The following ERBB4 variants were observed in gnomAD, a reference collection of about 807,000 sequenced individuals.
ERBB4 encodes erb-b2 receptor tyrosine kinase 4, also known as receptor tyrosine-protein kinase erbB-4.
A neutral mutation model predicts 158.0 loss-of-function variants in ERBB4; 42 were observed. That is an observed-to-expected ratio of 0.27 (90% confidence interval 0.21 to 0.34). ERBB4 has a LOEUF of 0.34. Ranked by LOEUF, ERBB4 falls within the 10% of genes least tolerant of loss-of-function variation. ERBB4 has a pLI of 1.00. For synonymous variants in ERBB4, 583 were observed against 558.7 expected, an observed-to-expected ratio of 1.04 and a Z score of -0.61; for missense variants, 1,333 against 1,624.1, an observed-to-expected ratio of 0.82 and a Z score of 3.08.
rs1352952451 is a variant in ERBB4, at chr2:211,724,951, A to G, written c.741+125T>C. 3.1e-5 allele frequency: 24 copies of G among 764,432 alleles called. No homozygotes were observed. In the South Asian group the frequency reaches 3.3e-4, roughly 11 times the overall value. The allele number at this position is 764,432 out of a possible 1,614,324, so 47.4% of individuals were successfully genotyped here. A position where few individuals can be genotyped will look rare whatever the true frequency, so the allele number is the denominator to read the frequency against. On this transcript the variant is annotated intron_variant, in intron 6 of 27. Transcript: ENST00000342788. ...GGAATGACTTTGAGGAGGGCAGAGC[A>G]TTTTTCTTAATCCTAAAGTGGCTAA... is the stretch of plus-strand genomic sequence containing the variant.
At chr2:212,436,491 A>G (rs572252300) in intron 1 of ERBB4, among the ~76,000 whole-genome samples, 54 of 152,158 alleles carry the variant, frequency 3.5e-4, no homozygotes, top group African/African-American at 1.3e-3. Context: ...TTTCCTCAAG[A>G]GGAAAAAGAA....
Position 211,788,097 on chromosome 2 carries a change from G to A in ERBB4, c.484C>T (p.His162Tyr), listed in dbSNP as rs780954188. 1 of 1,612,150 alleles carries A rather than the reference G, an allele frequency of 6.2e-7. No homozygotes were observed. The highest frequency in any genetic ancestry group is 8.5e-7 in the Non-Finnish European group (1 of 1,178,244). The part of the protein sequence containing the change: ...NKFLCYADTI[H>Y]WQDIVRNPWP... ...GGGTTCCGAACAATATCTTGCCAAT[G>A]AATGGTGTCTGCATAACAAAGGAAT... The change falls in exon 4 of 28, where the codon CAT (histidine) becomes TAT (tyrosine). Residue 162 changes from histidine (H) to tyrosine (Y), a missense_variant. Around this residue, in one of 5 missense-constraint regions of ERBB4, gnomAD observed 438 missense variants for 586.9 expected, o/e 0.75. Transcript: ENST00000342788.
intron 20 of ERBB4, among the ~76,000 whole-genome samples, chr2:211,502,131 C>A (rs1287095408): frequency 6.6e-6 from 1 of 152,078 alleles, no homozygotes; most frequent in East Asian, 1.9e-4. Flanking sequence ...ACTTTCTGGA[C>A]AGTGTAGTCA....
rs560980150 is a variant in ERBB4, at chr2:211,553,167, C to T, written c.2487+8736G>A. 2.6e-4 allele frequency among the ~76,000 whole-genome samples: 40 copies of T among 152,166 alleles called. No individual in the cohort carries two copies. The South Asian group carries it at 6.7e-3, about 25-fold the overall frequency. On this transcript the variant is annotated intron_variant, in intron 20 of 27. Transcript: ENST00000342788. ...TATTTTTAGTAGAGACGGGGTTTCA[C>T]CGTGTTGGCCAGGCTGGTCTCGAAC...
At chr2:212,425,325 TA>T (rs1397442108) in intron 1 of ERBB4, among the ~76,000 whole-genome samples, 3 of 148,304 alleles carry the variant, frequency 2.0e-5, no homozygotes, top group East Asian at 2.0e-4. Context: ...ATGTGTTGGA[TA>T]AATATATAAG....
intron 20 of ERBB4, among the ~76,000 whole-genome samples, chr2:211,461,404 T>A (rs532674815): frequency 6.6e-6 from 1 of 152,308 alleles, no homozygotes; most frequent in African/African-American, 2.4e-5. Context: ...TTTTTGTTTG[T>A]TCTGTTTCCT....
chr2:212,258,656 G>C (rs1474956197), intron 1 of ERBB4, among the ~76,000 whole-genome samples: 1 of 148,644 alleles, frequency 6.7e-6, no homozygotes, highest in African/African-American at 2.4e-5. Context: ...GTTTTTAATA[G>C]AACATTGAGG....
chr2:212,364,005 G>A (rs2106368150), intron 1 of ERBB4, among the ~76,000 whole-genome samples: 1 of 151,816 alleles, frequency 6.6e-6, no homozygotes, highest in Admixed American at 6.6e-5. Context: ...AGTGTACACT[G>A]TGGAATGACA....
intron 19 of ERBB4, among the ~76,000 whole-genome samples, chr2:211,581,771 G>T (rs2068111725): frequency 6.6e-6 from 1 of 152,100 alleles, no homozygotes; most frequent in Non-Finnish European, 1.5e-5. Context: ...CAGCACTTTG[G>T]GAGGCTGAGG....
intron 2 of ERBB4, among the ~76,000 whole-genome samples, chr2:212,019,757 G>GC (rs2076606606): frequency 1.1e-4 from 2 of 17,642 alleles, no homozygotes; most frequent in Non-Finnish European, 2.5e-4. Flanking sequence ...GCAACATTCT[G>GC]TAAAAAAAAA....
intron 5 of ERBB4, among the ~76,000 whole-genome samples, chr2:211,731,319 G>C (rs1342058188): frequency 6.6e-6 from 1 of 151,706 alleles, no homozygotes; most frequent in Non-Finnish European, 1.5e-5. Flanking sequence ...TTCTATTTTT[G>C]TGTCAAAATT....
chr2:212,252,431 C>T (rs1051111079), intron 1 of ERBB4, among the ~76,000 whole-genome samples: 11 of 151,850 alleles, frequency 7.2e-5, no homozygotes, highest in Admixed American at 2.6e-4. Flanking sequence ...GATAGATCAA[C>T]GAAGACTAAA....
At chr2:211,766,227 T>C (rs1434669056) in intron 4 of ERBB4, among the ~76,000 whole-genome samples, 4 of 152,214 alleles carry the variant, frequency 2.6e-5, no homozygotes, top group Non-Finnish European at 5.9e-5. Context: ...AAGAATTAAA[T>C]AAAAGTTGCA....
At chr2:211,601,062 GAAAATAACATTTAAGA>G (rs950678322) in intron 19 of ERBB4, among the ~76,000 whole-genome samples, 2 of 152,048 alleles carry the variant, frequency 1.3e-5, no homozygotes, top group African/African-American at 4.8e-5. Context: ...TCAGGGACTT[GAAAATAACATTTAAGA>G]AATTAGCATC....
At chr2:212,409,564 T>C (rs1029656254) in intron 1 of ERBB4, among the ~76,000 whole-genome samples, 1 of 152,154 alleles carries the variant, frequency 6.6e-6, no homozygotes, top group Non-Finnish European at 1.5e-5. Context: ...TTATTCAAAG[T>C]GCATGTTCTT....
At chr2:211,990,218 C>T (rs1028881069) in intron 2 of ERBB4, among the ~76,000 whole-genome samples, 7 of 151,442 alleles carry the variant, frequency 4.6e-5, no homozygotes, top group South Asian at 4.2e-4. Flanking sequence ...GTGTAGGTGA[C>T]GAATTATAAA....
At chr2:212,338,970 T>C (rs773403966) in intron 1 of ERBB4, among the ~76,000 whole-genome samples, 1 of 152,144 alleles carries the variant, frequency 6.6e-6, no homozygotes, top group East Asian at 1.9e-4. Context: ...GATGAAAATA[T>C]CACTTTCAAA....
At chr2:211,871,999 C>T (rs1399158345) in intron 3 of ERBB4, among the ~76,000 whole-genome samples, 1 of 152,058 alleles carries the variant, frequency 6.6e-6, no homozygotes, top group Non-Finnish European at 1.5e-5. Context: ...TAAAAATCAC[C>T]AGATTAAATA....
intron 4 of ERBB4, among the ~76,000 whole-genome samples, chr2:211,778,093 T>C (rs915068306): frequency 2.0e-5 from 3 of 152,174 alleles, no homozygotes; most frequent in Admixed American, 1.3e-4. Flanking sequence ...TCTCCCACCA[T>C]TGGGGGAAAA....
Sources: gnomAD v4.1 joint callset for allele counts (sites outside exome capture counted in the v4.1 genomes callset) on GRCh38, gnomAD v4.1.1 for gene constraint, gnomAD v4.1.1 regional missense constraint, MANE v1.5 for transcripts, NCBI Gene and HGNC (gene_info 2026-07-23, HGNC 2026-07-21) for gene names.